The following SLC7A9 variants were observed in gnomAD, a reference collection of about 807,000 sequenced individuals.
The protein encoded by SLC7A9 is solute carrier family 7 member 9, also known as B(0,+)-type amino acid transporter 1.
A neutral mutation model predicts 54.1 loss-of-function variants in SLC7A9; 38 were observed. The observed-to-expected ratio is 0.70, with a 90% CI of 0.54 to 0.92. The LOEUF (loss-of-function observed/expected upper bound fraction) is 0.92, where lower values mean the gene tolerates loss of function less well. SLC7A9 is among the 40% of genes least tolerant of loss of function. The pLI is 0.00. For missense variants in SLC7A9, 537 were observed against 636.1 expected (o/e 0.84, Z 1.68); for synonymous variants, 264 against 258.9 (o/e 1.02, Z -0.19).
intron 11 of SLC7A9, among the ~76,000 whole-genome samples, chr19:32,840,820 G>A (rs1035966832): frequency 2.0e-5 from 3 of 152,082 alleles, no homozygotes; most frequent in Non-Finnish European, 2.9e-5. Flanking sequence ...TTCCACGTGC[G>A]CCCTCTCTCC....
At chr19:32,831,656 C>G (rs554381295) in intron 12 of SLC7A9, among the ~76,000 whole-genome samples, 3 of 152,292 alleles carry the variant, frequency 2.0e-5, no homozygotes, top group African/African-American at 7.2e-5. Context: ...GCTTTCTTTT[C>G]AGAAGCAAAA....
Position 32,846,472 on chromosome 19 carries a change from G to A in SLC7A9, c.978-2521C>T, listed in dbSNP as rs1043167712. The stretch of plus-strand genomic sequence containing the variant: ...CAAGGCGGCAGCGAGGCTGGGGGAG[G>A]GGCGCCTGCCATTGCCCAGGCTTGA... On this transcript the variant is annotated intron_variant, in intron 9 of 12. Coordinates refer to ENST00000023064, the MANE Select transcript of SLC7A9 (RefSeq NM_014270.5). Among the ~76,000 whole-genome samples the A allele has an allele frequency of 5.3e-4, 80 of 152,326 alleles. 1 individual carries two copies. Among genetic ancestry groups the A allele is most frequent in the Non-Finnish European group, 9.0e-4 (61 of 68,026 alleles).
At chr19:32,850,238 A>C in intron 9 of SLC7A9, among the ~76,000 whole-genome samples, 1 of 149,874 alleles carries the variant, frequency 6.7e-6, no homozygotes, top group Non-Finnish European at 1.5e-5. Flanking sequence ...GAGGAAGTCA[A>C]ATTGTCCCTG....
chr19:32,832,607 A>C (rs1341356704), intron 12 of SLC7A9, among the ~76,000 whole-genome samples: 9 of 146,924 alleles, frequency 6.1e-5, no homozygotes, highest in Non-Finnish European at 9.0e-5. Context: ...AAAAAAAAGA[A>C]AGAAAGAAAG....
intron 10 of SLC7A9, 30 bp from the exon 11 acceptor site, chr19:32,842,347 C>A (rs1968151724): frequency 6.3e-7 from 1 of 1,595,656 alleles, no homozygotes; most frequent in South Asian, 1.1e-5. Flanking sequence ...ATTTGTAGGT[C>A]ATTACTACAA....
chr19:32,844,857 C>CAAAAAAAAAAAAAAAAAAAAAAAAAAAA (rs386388892), intron 9 of SLC7A9, among the ~76,000 whole-genome samples: 9 of 30,314 alleles, frequency 3.0e-4, no homozygotes, highest in Admixed American at 7.0e-4. Flanking sequence ...GAATCCATCT[C>CAAAAAAAAAAAAAAAAAAAAAAAAAAAA]AAAAAAAAAA....
chr19:32,858,402 C>A (rs1162629786), intron 9 of SLC7A9, 38 bp downstream of exon 9: 28 of 1,433,908 alleles, frequency 2.0e-5, no homozygotes, highest in Non-Finnish European at 2.6e-5. Flanking sequence ...CTTTCGCCGC[C>A]CCTGTCCACC....
At chr19:32,857,380 G>C (rs1459701045) in intron 9 of SLC7A9, among the ~76,000 whole-genome samples, 1 of 151,666 alleles carries the variant, frequency 6.6e-6, no homozygotes, top group Non-Finnish European at 1.5e-5. Flanking sequence ...GGAGGTAGAG[G>C]CTACAGTGAG....
At position 32,830,656 on chromosome 19, in the gene SLC7A9, T is replaced by C. The variant is rs1304106527; in HGVS notation, c.1428A>G (p.Leu476=). 6.2e-7 allele frequency: 1 copy of C among 1,614,064 alleles called. No individual in the cohort carries two copies. The highest frequency in any genetic ancestry group is 2.2e-5 in the East Asian group (1 of 44,876). The change falls in exon 13 of 13, where the codon CTA becomes CTG. Residue 476 remains leucine, a synonymous_variant. Coordinates refer to ENST00000023064, the MANE Select transcript of SLC7A9 (RefSeq NM_014270.5). ...SKPITMHLQM[L]MEVVPPEEDP... is the part of the protein sequence containing the mutation. Reference sequence around the variant, plus strand: ...CTTCCTCCGGTGGGACCACTTCCATTAGCATCTGAAGGTGCATGGTAATCG... The same window carrying C: ...CTTCCTCCGGTGGGACCACTTCCATCAGCATCTGAAGGTGCATGGTAATCG...
At chr19:32,842,548 A>G (rs1968157370) in intron 10 of SLC7A9, among the ~76,000 whole-genome samples, 1 of 152,186 alleles carries the variant, frequency 6.6e-6, no homozygotes, top group South Asian at 2.1e-4. Flanking sequence ...TGTGATTTTA[A>G]GCAAGGGAAA....
intron 11 of SLC7A9, among the ~76,000 whole-genome samples, chr19:32,834,141 G>A (rs1419036690): frequency 1.3e-5 from 2 of 152,144 alleles, no homozygotes; most frequent in East Asian, 3.8e-4. Context: ...GTCCTGTGCG[G>A]GGCGGCAGGA....
chr19:32,852,946 C>T (rs1220157232), intron 9 of SLC7A9, among the ~76,000 whole-genome samples: 2 of 138,672 alleles, frequency 1.4e-5, no homozygotes, highest in Non-Finnish European at 3.0e-5. Flanking sequence ...CGGAGTCTCG[C>T]TCTGTCACCC....
At position 32,868,556 on chromosome 19, in the gene SLC7A9, G is replaced by A. The variant is rs184376297; in HGVS notation, c.-22C>T. The A allele has an allele frequency of 1.3e-4, 209 of 1,602,046 alleles. No homozygotes were observed. The African/African-American group carries it at 2.6e-3, about 20-fold the overall frequency. Reference sequence around the variant, plus strand: ...CCATGTTTCCTCCTGCTGGTTCCAGGAGACTGCAAGGAGGGCGCACAGCTA... The same window carrying A: ...CCATGTTTCCTCCTGCTGGTTCCAGAAGACTGCAAGGAGGGCGCACAGCTA... On this transcript the variant is annotated 5_prime_UTR_variant, in exon 2 of 13. Transcript: ENST00000023064.
chr19:32,862,576 C>A lies in SLC7A9; in HGVS notation c.489G>T (p.Ser163=). ...GCCGCACGCTCAGTGAGTTCACTGT[C>A]GAGATGAACACTGGAAGGGTGGGGA... is the stretch of plus-strand genomic sequence containing the variant. The part of the protein sequence containing the change: ...CLAAAAILFI[S]TVNSLSVRLG... Residue 163 remains serine (S), a synonymous_variant, in exon 5 of 13, where the codon TCG becomes TCT. Coordinates refer to ENST00000023064, the MANE Select transcript of SLC7A9 (RefSeq NM_014270.5). 6.2e-7 allele frequency: 1 copy of A among 1,613,868 alleles called. No homozygotes were observed. The highest frequency in any genetic ancestry group is 1.1e-5 in the South Asian group (1 of 91,060).
At chr19:32,851,656 C>G (rs1181212224) in intron 9 of SLC7A9, among the ~76,000 whole-genome samples, 2 of 152,002 alleles carry the variant, frequency 1.3e-5, no homozygotes, top group Non-Finnish European at 2.9e-5. Flanking sequence ...TTTGACCCAG[C>G]CATCGCATTA....
At position 32,860,073 on chromosome 19, in the gene SLC7A9, C is replaced by G. The variant is rs759574870; in HGVS notation, c.750-109G>C. 24 of 1,596,076 alleles carry G rather than the reference C, an allele frequency of 1.5e-5. No individual in the cohort carries two copies. The Admixed American group carries it at 4.2e-4, about 28-fold the overall frequency. On this transcript the variant is annotated intron_variant, in intron 7 of 12. Transcript: ENST00000023064. ...GGAGAAGATTCGCAGGTAGCAGAGG[C>G]CCAGCAGGAACATAAGACATTTTCA...
chr19:32,860,233 A>C, intron 7 of SLC7A9: 1 of 1,418,240 alleles, frequency 7.1e-7, no homozygotes, highest in Non-Finnish European at 9.2e-7. Context: ...AACCAAACCA[A>C]ACTCTAAGCG....
At chr19:32,843,466 AAAAGTC>A (rs1178110370) in intron 10 of SLC7A9, among the ~76,000 whole-genome samples, 1 of 151,992 alleles carries the variant, frequency 6.6e-6, no homozygotes, top group Admixed American at 6.6e-5. Flanking sequence ...GTATCAAAAA[AAAAGTC>A]AAAGGGCGTT....
At chr19:32,857,122 C>T (rs951559048) in intron 9 of SLC7A9, among the ~76,000 whole-genome samples, 3 of 152,126 alleles carry the variant, frequency 2.0e-5, no homozygotes, top group African/African-American at 7.2e-5. Flanking sequence ...TGCACTCCAG[C>T]CTGGGTGACA....
Sources: gnomAD v4.1 joint callset for allele counts (sites outside exome capture counted in the v4.1 genomes callset) on GRCh38, gnomAD v4.1.1 for gene constraint, MANE v1.5 for transcripts, NCBI Gene and HGNC (gene_info 2026-07-23, HGNC 2026-07-21) for gene names.